Variants in PHF24 observed in about 807,000 individuals in gnomAD.
PHF24 encodes PHD finger protein 24, also known as Galpha inhibitory interacting protein.
PHF24 carries 25 observed loss-of-function variants against 42.6 expected under a neutral mutation model. The ratio of observed to expected loss-of-function variants is 0.59; its 90% CI spans 0.43 to 0.82. PHF24 has a LOEUF of 0.82. Ranked by LOEUF, PHF24 falls within the 40% of genes least tolerant of loss-of-function variation. The pLI is 0.00. For synonymous variants in PHF24, 185 were observed against 204.8 expected (o/e 0.90, Z 0.83); for missense variants, 470 against 538.1 (o/e 0.87, Z 1.25).
chr9:34,880,169 C>G, the PHF24 span, among the ~76,000 whole-genome samples: 1 of 152,186 alleles, frequency 6.6e-6, no homozygotes, highest in Admixed American at 6.5e-5. Context: ...TTGTCACCAC[C>G]AGGCCTGCCT....
chr9:34,914,720 T>G, the PHF24 span, among the ~76,000 whole-genome samples: 2 of 152,180 alleles, frequency 1.3e-5, no homozygotes, highest in Non-Finnish European at 2.9e-5. Context: ...GTTACTAGTC[T>G]TTTCCAATCA....
chr9:34,709,295 C>T, the PHF24 span: 1 of 1,434,636 alleles, frequency 7.0e-7, no homozygotes, highest in Admixed American at 2.1e-5. Flanking sequence ...GTGGCTGCTC[C>T]AGGGCCCCTG....
the PHF24 span, among the ~76,000 whole-genome samples, chr9:34,783,241 A>G: frequency 3.9e-5 from 6 of 152,208 alleles, no homozygotes; most frequent in Non-Finnish European, 8.8e-5. Context: ...TAAGCGTGAA[A>G]GGAAGCAAGT....
the PHF24 span, among the ~76,000 whole-genome samples, chr9:34,925,071 G>A: frequency 3.5e-4 from 54 of 152,190 alleles, no homozygotes; most frequent in African/African-American, 1.3e-3. Context: ...ATTTTTGCTT[G>A]TCTATGAAAG....
chr9:34,689,803 T>A, the PHF24 span: 1 of 1,614,010 alleles, frequency 6.2e-7, no homozygotes, highest in South Asian at 1.1e-5. The surrounding 1 kb of genome is among the most constrained non-coding windows in gnomAD (Gnocchi z 4.1). Context: ...CCGGGCTCCC[T>A]CTGCACGGTC....
the PHF24 span, among the ~76,000 whole-genome samples, chr9:34,769,665 A>G: frequency 6.6e-6 from 1 of 152,210 alleles, no homozygotes. Flanking sequence ...TCAGTTAATA[A>G]GAGACTATAT....
the PHF24 span, chr9:34,837,608 A>C: frequency 7.1e-7 from 1 of 1,413,388 alleles, no homozygotes; most frequent in Non-Finnish European, 9.8e-7. Flanking sequence ...GATTCATAGG[A>C]AACACCCACA....
the PHF24 span, among the ~76,000 whole-genome samples, chr9:34,891,827 C>T: frequency 8.6e-4 from 131 of 152,306 alleles, no homozygotes; most frequent in African/African-American, 3.0e-3. Context: ...TGGACAACAG[C>T]TGGCAAACTC....
At chr9:34,786,748 A>G in the PHF24 span, among the ~76,000 whole-genome samples, 1 of 152,222 alleles carries the variant, frequency 6.6e-6, no homozygotes, top group African/African-American at 2.4e-5. Flanking sequence ...GGGAGGAGCC[A>G]CTGGTTTGTG....
the PHF24 span, among the ~76,000 whole-genome samples, chr9:34,844,541 A>G: frequency 6.6e-6 from 1 of 152,134 alleles, no homozygotes; most frequent in East Asian, 1.9e-4. Flanking sequence ...TATTTGATCC[A>G]TTGGTTATTC....
the PHF24 span, chr9:34,691,151 A>G: frequency 6.2e-7 from 1 of 1,613,204 alleles, no homozygotes; most frequent in Non-Finnish European, 8.5e-7. Flanking sequence ...GAGGGTGAAC[A>G]GAGGCAGGCC....
At chr9:34,893,947 G>T in the PHF24 span, among the ~76,000 whole-genome samples, 1 of 152,156 alleles carries the variant, frequency 6.6e-6, no homozygotes, top group Non-Finnish European at 1.5e-5. Context: ...AATATCTTTT[G>T]GGAATCAATC....
chr9:34,926,147 C>T, the PHF24 span, among the ~76,000 whole-genome samples: 2 of 152,254 alleles, frequency 1.3e-5, no homozygotes, highest in Non-Finnish European at 2.9e-5. The surrounding 1 kb of genome is among the most constrained non-coding windows in gnomAD (Gnocchi z 4.3). Context: ...GCTGGGTTCA[C>T]TGGCCTGTTT....
At chr9:34,711,264 T>G in the PHF24 span, among the ~76,000 whole-genome samples, 1 of 151,358 alleles carries the variant, frequency 6.6e-6, no homozygotes, top group East Asian at 1.9e-4. Flanking sequence ...TTTTTTTTTT[T>G]GACACAGGGT....
the PHF24 span, among the ~76,000 whole-genome samples, chr9:34,733,645 C>T: frequency 6.6e-6 from 1 of 152,120 alleles, no homozygotes; most frequent in East Asian, 1.9e-4. Flanking sequence ...GGATCACAGG[C>T]ATGTGCCACC....
chr9:34,766,069 C>T, the PHF24 span, among the ~76,000 whole-genome samples: 17 of 152,080 alleles, frequency 1.1e-4, no homozygotes, highest in South Asian at 4.2e-4. Context: ...CTGAGAGATC[C>T]GCTGTTAGTC....
the PHF24 span, among the ~76,000 whole-genome samples, chr9:34,684,517 A>G: frequency 6.6e-6 from 1 of 152,012 alleles, no homozygotes; most frequent in Non-Finnish European, 1.5e-5. Context: ...TCCTGAGAGG[A>G]ATGGTGGCTT....
At chr9:34,820,757 G>A in the PHF24 span, among the ~76,000 whole-genome samples, 8 of 152,134 alleles carry the variant, frequency 5.3e-5, no homozygotes, top group Non-Finnish European at 7.4e-5. Context: ...ACCCAATAAC[G>A]GGATTGCTGG....
the PHF24 span, among the ~76,000 whole-genome samples, chr9:34,850,488 T>C: frequency 6.6e-6 from 1 of 152,254 alleles, no homozygotes; most frequent in African/African-American, 2.4e-5. Flanking sequence ...TTGGTTATTC[T>C]AGTTATACAT....
Sources: allele counts gnomAD v4.1 joint callset (sites outside exome capture counted in the v4.1 genomes callset), GRCh38; gene constraint gnomAD v4.1.1; non-coding constraint Gnocchi (gnomAD v3.1); transcripts MANE v1.5; gene names NCBI Gene and HGNC (gene_info 2026-07-23, HGNC 2026-07-21).